The following DOK5 variants were observed in gnomAD, a reference collection of about 807,000 sequenced individuals.
The protein encoded by DOK5 is docking protein 5.
Under a neutral mutation model 43.3 loss-of-function variants are expected in DOK5, and 27 were observed. The ratio of observed to expected loss-of-function variants is 0.62; its 90% CI spans 0.46 to 0.86. The LOEUF (loss-of-function observed/expected upper bound fraction) is 0.86, where lower values mean the gene tolerates loss of function less well. Among genes scored for constraint, DOK5 ranks in the 40% least tolerant of loss-of-function variants. The pLI is 0.00. For synonymous variants in DOK5, 146 were observed against 140.1 expected, an observed-to-expected ratio of 1.04 and a Z score of -0.30; for missense variants, 373 against 392.9, an observed-to-expected ratio of 0.95 and a Z score of 0.43.
At position 54,518,949 on chromosome 20, in the gene DOK5, A is replaced by G. The variant is rs139255555; in HGVS notation, c.67-35984A>G. Among the ~76,000 whole-genome samples the G allele has an allele frequency of 1.6e-3, 250 of 152,360 alleles. 2 individuals carry two copies. The East Asian group carries it at 0.031, about 19-fold the overall frequency. On this transcript the variant is annotated intron_variant, in intron 1 of 7. Transcript: ENST00000262593. The stretch of plus-strand genomic sequence containing the variant: ...ATTTATGCAGCCAAAAGACACATGA[A>G]AAAATGCTCATCATCACTGGCCGTC...
chr20:54,497,145 G>A (rs1386246741), intron 1 of DOK5, among the ~76,000 whole-genome samples: 1 of 152,158 alleles, frequency 6.6e-6, no homozygotes, highest in South Asian at 2.1e-4. Context: ...AATAGTTGCT[G>A]TAGAGCCTTT....
At chr20:54,630,969 T>C (rs1427798085) in intron 6 of DOK5, among the ~76,000 whole-genome samples, 1 of 152,098 alleles carries the variant, frequency 6.6e-6, no homozygotes, top group Non-Finnish European at 1.5e-5. Flanking sequence ...GGAGATTGGG[T>C]CAGAATTTAA....
intron 6 of DOK5, among the ~76,000 whole-genome samples, chr20:54,641,798 A>G (rs1979131014): frequency 6.6e-6 from 1 of 152,138 alleles, no homozygotes; most frequent in Non-Finnish European, 1.5e-5. Context: ...TAAATCTTCC[A>G]TCTTTGCCAA....
At chr20:54,583,529 A>G (rs1317604518) in intron 2 of DOK5, among the ~76,000 whole-genome samples, 1 of 152,116 alleles carries the variant, frequency 6.6e-6, no homozygotes, top group Non-Finnish European at 1.5e-5. Flanking sequence ...CTTCAATTCT[A>G]TCAATCAATG....
intron 6 of DOK5, among the ~76,000 whole-genome samples, chr20:54,614,268 T>C (rs1299134104): frequency 6.6e-6 from 1 of 152,168 alleles, no homozygotes; most frequent in African/African-American, 2.4e-5. Flanking sequence ...AATCTTGGTA[T>C]TTATTTTCCC....
chr20:54,531,068 C>T (rs1568769659), intron 1 of DOK5, among the ~76,000 whole-genome samples: 1 of 152,124 alleles, frequency 6.6e-6, no homozygotes, highest in Non-Finnish European at 1.5e-5. Context: ...TTGTGACTTT[C>T]CTCAGTAATT....
rs746188266 is a variant in DOK5, at chr20:54,555,011, C to T, written c.145C>T (p.Arg49Cys). The T allele has an allele frequency of 7.4e-6, 12 of 1,613,188 alleles. No individual in the cohort carries two copies. The highest frequency in any genetic ancestry group is 4.5e-5 in the East Asian group (2 of 44,864). ...PKRLEKFSDE[R>C]AAYFRCYHKV... ...AAGACTGGAGAAATTTTCTGATGAA[C>T]GTGCTGCATATTTCAGGTGTTATCA... is the stretch of plus-strand genomic sequence containing the variant. The change falls in exon 2 of 8, where the codon CGT (arginine) becomes TGT (cysteine). Residue 49 changes from arginine to cysteine, a missense_variant. By Grantham distance (180) the Arg-to-Cys change is radical. Coordinates refer to ENST00000262593, the MANE Select transcript of DOK5 (RefSeq NM_018431.5).
At chr20:54,502,226 T>A (rs6098030) in intron 1 of DOK5, among the ~76,000 whole-genome samples, 7,927 of 152,300 alleles carry the variant, frequency 0.052, 722 homozygotes, top group African/African-American at 0.18. Flanking sequence ...ATTTAATGCA[T>A]TTACATTCAT....
At chr20:54,626,410 A>T (rs966533681) in intron 6 of DOK5, among the ~76,000 whole-genome samples, 2 of 152,204 alleles carry the variant, frequency 1.3e-5, no homozygotes, top group Non-Finnish European at 2.9e-5. Flanking sequence ...CAATTTTCAC[A>T]ACTATCCTTG....
chr20:54,625,324 C>T (rs1987101828), intron 6 of DOK5, among the ~76,000 whole-genome samples: 1 of 152,158 alleles, frequency 6.6e-6, no homozygotes, highest in Non-Finnish European at 1.5e-5. Context: ...GTCCAAGGGC[C>T]TCATAGAGGT....
chr20:54,508,742 G>T (rs1982906580), intron 1 of DOK5, among the ~76,000 whole-genome samples: 1 of 149,398 alleles, frequency 6.7e-6, no homozygotes, highest in African/African-American at 2.5e-5. Context: ...CATCACACCT[G>T]GCTGATTTTG....
intron 2 of DOK5, among the ~76,000 whole-genome samples, chr20:54,563,267 C>G (rs1009041082): frequency 2.6e-5 from 4 of 152,160 alleles, no homozygotes; most frequent in Non-Finnish European, 4.4e-5. Context: ...CAACCCTACT[C>G]TAGGAAACGA....
rs1382621704 is a variant in DOK5 at position 54,566,008 on chromosome 20, T to G, written c.174+10968T>G. The stretch of plus-strand genomic sequence containing the variant: ...ACTCCAGCCTGGTGACAGAGCGAGA[T>G]TCCGTCTCAAAAAAAAAAAAAAAAC... On this transcript the variant is annotated intron_variant, in intron 2 of 7. Transcript: ENST00000262593. 9.3e-5 allele frequency among the ~76,000 whole-genome samples: 13 copies of G among 139,920 alleles called. No homozygotes were observed. In the East Asian group the frequency reaches 2.3e-3, roughly 25 times the overall value. The allele number at this position is 139,920 out of a possible 152,430, so 91.8% of individuals were successfully genotyped here. A position where few individuals can be genotyped will look rare whatever the true frequency, so the allele number is the denominator to read the frequency against.
At chr20:54,487,196 A>G (rs1048613159) in intron 1 of DOK5, among the ~76,000 whole-genome samples, 4 of 152,204 alleles carry the variant, frequency 2.6e-5, no homozygotes. Flanking sequence ...AGGGTAGTAA[A>G]CAGCATTCAA....
intron 6 of DOK5, among the ~76,000 whole-genome samples, chr20:54,626,134 T>C (rs1987122320): frequency 6.6e-6 from 1 of 152,182 alleles, no homozygotes; most frequent in African/African-American, 2.4e-5. Flanking sequence ...TTTTATTCAT[T>C]TTAAGTTTGC....
chr20:54,506,859 G>C (rs767507348), intron 1 of DOK5, among the ~76,000 whole-genome samples: 1 of 152,308 alleles, frequency 6.6e-6, no homozygotes, highest in African/African-American at 2.4e-5. Flanking sequence ...AACACCTGGC[G>C]ATCATACGCG....
chr20:54,586,330 A>G (rs569630589), intron 2 of DOK5, among the ~76,000 whole-genome samples: 1 of 152,318 alleles, frequency 6.6e-6, no homozygotes, highest in South Asian at 2.1e-4. Context: ...CACTAAGGCC[A>G]GGGCACATTT....
intron 2 of DOK5, among the ~76,000 whole-genome samples, chr20:54,565,798 G>A (rs529403840): frequency 8.5e-5 from 13 of 152,182 alleles, no homozygotes; most frequent in African/African-American, 1.9e-4. Context: ...CGAGGCAGGC[G>A]GATCACGAGG....
At chr20:54,528,483 T>G (rs1320861835) in intron 1 of DOK5, among the ~76,000 whole-genome samples, 1 of 152,104 alleles carries the variant, frequency 6.6e-6, no homozygotes, top group Non-Finnish European at 1.5e-5. Flanking sequence ...AGATGGCTGT[T>G]GAAGCTCCAC....
Sources: allele counts gnomAD v4.1 joint callset (sites outside exome capture counted in the v4.1 genomes callset), GRCh38; gene constraint gnomAD v4.1.1; transcripts MANE v1.5; gene names NCBI Gene and HGNC (gene_info 2026-07-23, HGNC 2026-07-21).